SYT17: variants seen among roughly 807,000 people sequenced by gnomAD.
The protein encoded by SYT17 is synaptotagmin 17.
SYT17 carries 22 observed loss-of-function variants against 46.7 expected under a neutral mutation model. The observed-to-expected ratio is 0.47, with a 90% confidence interval of 0.34 to 0.67. SYT17 has a LOEUF of 0.67. SYT17 is among the 30% of genes least tolerant of loss of function. SYT17 has a pLI of 0.01. For missense variants in SYT17, 519 were observed against 612.8 expected (o/e 0.85, Z 1.62); for synonymous variants, 251 against 248.4 (o/e 1.01, Z -0.10).
At chr16:19,192,685 G>A (rs1965073556) in intron 5 of SYT17, among the ~76,000 whole-genome samples, 1 of 152,230 alleles carries the variant, frequency 6.6e-6, no homozygotes, top group Non-Finnish European at 1.5e-5. Flanking sequence ...TCTGGACCCT[G>A]TGTAAGGTGG....
intron 3 of SYT17, among the ~76,000 whole-genome samples, chr16:19,175,644 TCAAAAAAAA>T (rs1964285154): frequency 2.0e-5 from 1 of 49,702 alleles, no homozygotes; most frequent in African/African-American, 9.0e-5. Context: ...GAGCAAGACT[TCAAAAAAAA>T]AAAAAAAAAA....
intron 7 of SYT17, among the ~76,000 whole-genome samples, chr16:19,232,194 G>A (rs1174919026): frequency 1.3e-5 from 2 of 152,112 alleles, no homozygotes; most frequent in South Asian, 2.1e-4. Flanking sequence ...GGCTTAGAGG[G>A]GCCTCATCAA....
intron 5 of SYT17, among the ~76,000 whole-genome samples, chr16:19,200,667 C>T (rs532648840): frequency 1.3e-5 from 2 of 152,294 alleles, no homozygotes; most frequent in South Asian, 4.2e-4. Flanking sequence ...GTGGGTTTCC[C>T]CCTTGGGCAG....
At chr16:19,191,590 T>C (rs573561283) in intron 5 of SYT17, among the ~76,000 whole-genome samples, 7 of 152,208 alleles carry the variant, frequency 4.6e-5, no homozygotes, top group African/African-American at 1.7e-4. Context: ...ACTAAGACAG[T>C]GAGGAAGTGT....
At chr16:19,250,359 TTGTGTGTGTGTGTG>T (rs55818940) in intron 7 of SYT17, among the ~76,000 whole-genome samples, 71 of 132,564 alleles carry the variant, frequency 5.4e-4, no homozygotes, top group African/African-American at 1.6e-3. Context: ...TCAAACATGT[TTGTGTGTGTGTGTG>T]TGTGTGTGTG....
At chr16:19,203,394 G>T (rs901507865) in intron 5 of SYT17, among the ~76,000 whole-genome samples, 7 of 151,850 alleles carry the variant, frequency 4.6e-5, no homozygotes, top group African/African-American at 1.5e-4. Context: ...CTACTCAGCA[G>T]GCTGAGGTAG....
intron 5 of SYT17, among the ~76,000 whole-genome samples, chr16:19,217,743 T>G (rs1966151094): frequency 6.6e-6 from 1 of 152,216 alleles, no homozygotes; most frequent in African/African-American, 2.4e-5. Context: ...TACACCAACC[T>G]GTTTACCAAA....
At position 19,168,808 on chromosome 16, in the gene SYT17, T is replaced by A; in HGVS notation, c.15+147T>A. 2 of 1,094,932 alleles carry A rather than the reference T, an allele frequency of 1.8e-6. No homozygotes were observed. The highest frequency in any genetic ancestry group is 3.4e-5 in the Admixed American group (1 of 29,278). 67.8% of individuals were successfully genotyped at this position (1,094,932 alleles called of 1,614,324 possible). The stretch of plus-strand genomic sequence containing the variant: ...AGGGTGCCCGTGCGCGGGCAACCTG[T>A]GCAGCAACAGGGGTGCGCCCCGGGA... On this transcript the variant is annotated intron_variant, in intron 1 of 7. Coordinates refer to ENST00000355377, the MANE Select transcript of SYT17 (RefSeq NM_016524.4). This position sits in a 1 kb window ranked among gnomAD's most constrained non-coding sequence, Gnocchi z 6.9.
chr16:19,230,395 G>A (rs1966637369), intron 7 of SYT17, among the ~76,000 whole-genome samples: 1 of 149,544 alleles, frequency 6.7e-6, no homozygotes, highest in Admixed American at 6.6e-5. Context: ...CAACAAGAGT[G>A]AAACTCTTTA....
intron 7 of SYT17, among the ~76,000 whole-genome samples, chr16:19,225,325 A>T (rs1966463310): frequency 6.6e-6 from 1 of 152,096 alleles, no homozygotes; most frequent in Non-Finnish European, 1.5e-5. Flanking sequence ...AGAAAAAGGG[A>T]TTTTTAAAGT....
intron 7 of SYT17, among the ~76,000 whole-genome samples, chr16:19,261,369 G>A (rs546779558): frequency 9.8e-5 from 15 of 152,316 alleles, no homozygotes; most frequent in Non-Finnish European, 1.9e-4. Context: ...AGATGGCCAT[G>A]GCAGGAACTG....
At chr16:19,263,597 G>A (rs539369419) in intron 7 of SYT17, among the ~76,000 whole-genome samples, 11 of 135,016 alleles carry the variant, frequency 8.1e-5, no homozygotes, top group Non-Finnish European at 9.1e-5. Context: ...CCGAGATCAC[G>A]CCACTGCATC....
At chr16:19,238,362 C>T (rs1264368825) in intron 7 of SYT17, among the ~76,000 whole-genome samples, 34 of 152,200 alleles carry the variant, frequency 2.2e-4, no homozygotes, top group Admixed American at 2.2e-3. Context: ...TGGTGTTGAA[C>T]CTGGATGTCG....
intron 3 of SYT17, among the ~76,000 whole-genome samples, chr16:19,179,970 G>A (rs1964480724): frequency 6.6e-6 from 1 of 152,208 alleles, no homozygotes; most frequent in Admixed American, 6.5e-5. Flanking sequence ...CACAGTGACT[G>A]TTGAAATACC....
At chr16:19,225,882 C>G (rs1157536484) in intron 7 of SYT17, among the ~76,000 whole-genome samples, 1 of 152,174 alleles carries the variant, frequency 6.6e-6, no homozygotes. Context: ...CATCCTATTA[C>G]TTTCATTATA....
At chr16:19,263,378 A>T (rs182644810) in intron 7 of SYT17, among the ~76,000 whole-genome samples, 12 of 152,294 alleles carry the variant, frequency 7.9e-5, no homozygotes, top group African/African-American at 2.9e-4. Flanking sequence ...ATGGTGACTT[A>T]TGCCTGTAAT....
rs1969487365 is a variant in SYT17, at chr16:19,268,140, TTTTC to T, written c.*1066_*1069del. ...TCATACTCTGAGGATCTTTCTGTGT[TTTTC>T]TGTGAACGAATGTCACGTCTCTCGT... On this transcript the variant is annotated 3_prime_UTR_variant, in exon 8 of 8. Transcript: ENST00000355377. 1 of 152,100 alleles carries T rather than the reference TTTTC, an allele frequency of 6.6e-6. No individual in the cohort carries two copies. The highest frequency in any genetic ancestry group is 2.4e-5 in the African/African-American group (1 of 41,404). 9.4% of individuals were successfully genotyped at this position (152,100 alleles called of 1,614,324 possible).
intron 7 of SYT17, chr16:19,250,141 T>G (rs1220408770): frequency 4.9e-6 from 7 of 1,416,444 alleles, no homozygotes; most frequent in Non-Finnish European, 4.6e-6. Flanking sequence ...ATTTAAAAAT[T>G]TTTTAACATA....
intron 7 of SYT17, among the ~76,000 whole-genome samples, chr16:19,240,283 G>A (rs1212692162): frequency 1.3e-5 from 2 of 152,188 alleles, no homozygotes; most frequent in Admixed American, 6.5e-5. Context: ...GCAGACAAGT[G>A]GAGGGTGAGC....
Sources: allele counts gnomAD v4.1 joint callset (sites outside exome capture counted in the v4.1 genomes callset), GRCh38; gene constraint gnomAD v4.1.1; non-coding constraint Gnocchi (gnomAD v3.1); transcripts MANE v1.5; gene names NCBI Gene and HGNC (gene_info 2026-07-23, HGNC 2026-07-21).